The following MTCL2 variants were observed in gnomAD, a reference collection of about 807,000 sequenced individuals.
MTCL2 encodes microtubule cross-linking factor 2.
the MTCL2 span, among the ~76,000 whole-genome samples, chr20:36,853,546 T>C: frequency 6.6e-6 from 1 of 152,178 alleles, no homozygotes; most frequent in East Asian, 1.9e-4. Flanking sequence ...TGATGATCCT[T>C]AGAGGCAGGC....
the MTCL2 span, chr20:36,808,480 C>A: frequency 1.3e-6 from 2 of 1,548,948 alleles, no homozygotes; most frequent in Non-Finnish European, 1.8e-6. Flanking sequence ...CCCCAGCCCA[C>A]ACTCCCAGTC....
At chr20:36,841,423 G>A in the MTCL2 span, among the ~76,000 whole-genome samples, 1 of 151,846 alleles carries the variant, frequency 6.6e-6, no homozygotes, top group African/African-American at 2.4e-5. Context: ...GGTGAGGGGG[G>A]GTGCTATGTT....
At chr20:36,806,623 G>A in the MTCL2 span, among the ~76,000 whole-genome samples, 5 of 152,146 alleles carry the variant, frequency 3.3e-5, no homozygotes, top group South Asian at 1.0e-3. Flanking sequence ...AGGTTCAAGA[G>A]ATTCTCTTGC....
chr20:36,812,766 G>A, the MTCL2 span: 1 of 1,613,880 alleles, frequency 6.2e-7, no homozygotes, highest in Non-Finnish European at 8.5e-7. Flanking sequence ...CTGGGGTCGG[G>A]CTTAGAGTCC....
chr20:36,812,077 C>T, the MTCL2 span, among the ~76,000 whole-genome samples: 131 of 152,248 alleles, frequency 8.6e-4, no homozygotes, highest in Non-Finnish European at 1.4e-3. Context: ...AAGCTGTGGC[C>T]AGAAGGTAGA....
the MTCL2 span, among the ~76,000 whole-genome samples, chr20:36,825,384 G>A: frequency 6.6e-6 from 1 of 152,224 alleles, no homozygotes; most frequent in East Asian, 1.9e-4. Flanking sequence ...TAAACAATGT[G>A]CTGGTGTGGT....
At chr20:36,824,473 A>G in the MTCL2 span, among the ~76,000 whole-genome samples, 1 of 151,832 alleles carries the variant, frequency 6.6e-6, no homozygotes, top group African/African-American at 2.4e-5. Context: ...AGAGACAGAA[A>G]GCGGATGAGT....
At chr20:36,841,500 C>T in the MTCL2 span, among the ~76,000 whole-genome samples, 4 of 151,740 alleles carry the variant, frequency 2.6e-5, no homozygotes, top group African/African-American at 9.7e-5. Context: ...AAGGAACAGC[C>T]GAGAAAGCTA....
At chr20:36,799,296 GC>G in the MTCL2 span, among the ~76,000 whole-genome samples, 4 of 152,042 alleles carry the variant, frequency 2.6e-5, no homozygotes, top group East Asian at 7.7e-4. Flanking sequence ...TTCGAGACCA[GC>G]CTGACCAACA....
chr20:36,842,377 T>A, the MTCL2 span, among the ~76,000 whole-genome samples: 1 of 151,924 alleles, frequency 6.6e-6, no homozygotes, highest in Admixed American at 6.5e-5. Context: ...AAGAAATGCA[T>A]AATTATTATG....
At chr20:36,850,510 A>G in the MTCL2 span, among the ~76,000 whole-genome samples, 1 of 151,706 alleles carries the variant, frequency 6.6e-6, no homozygotes, top group Admixed American at 6.6e-5. Flanking sequence ...GGGATGACAG[A>G]ATGAGACTGT....
At chr20:36,813,419 T>C in the MTCL2 span, among the ~76,000 whole-genome samples, 4 of 149,382 alleles carry the variant, frequency 2.7e-5, no homozygotes, top group Admixed American at 2.7e-4. Context: ...ACATATCCAC[T>C]GTATAGTTGT....
At chr20:36,780,048 G>A in the MTCL2 span, 2 of 152,204 alleles carry the variant, frequency 1.3e-5, no homozygotes, top group African/African-American at 4.8e-5. Context: ...TCAAAGCAGT[G>A]TCTCATTCAC....
the MTCL2 span, among the ~76,000 whole-genome samples, chr20:36,846,425 G>A: frequency 9.2e-5 from 14 of 152,296 alleles, no homozygotes; most frequent in African/African-American, 3.4e-4. Context: ...GACTAGAAAC[G>A]GGGAATAGGA....
chr20:36,859,927 G>C, the MTCL2 span: 1 of 1,230,720 alleles, frequency 8.1e-7, no homozygotes, highest in Non-Finnish European at 1.0e-6. Flanking sequence ...ACCCTGCTCT[G>C]GGACCCACTC....
chr20:36,850,880 T>C, the MTCL2 span, among the ~76,000 whole-genome samples: 1 of 152,138 alleles, frequency 6.6e-6, no homozygotes, highest in Non-Finnish European at 1.5e-5. Flanking sequence ...TACTCAGCGA[T>C]GAAAAGGAAA....
At chr20:36,793,564 C>T in the MTCL2 span, 8 of 1,551,580 alleles carry the variant, frequency 5.2e-6, no homozygotes, top group Non-Finnish European at 7.0e-6. The surrounding 1 kb of genome is among the most constrained non-coding windows in gnomAD (Gnocchi z 6.8). Flanking sequence ...TCCAGACAGA[C>T]TCCGTGCTCC....
At chr20:36,831,147 C>A in the MTCL2 span, among the ~76,000 whole-genome samples, 128 of 152,306 alleles carry the variant, frequency 8.4e-4, 1 homozygote, top group South Asian at 6.2e-4. Flanking sequence ...GGAAGGAAGG[C>A]CCTTCTGGGC....
chr20:36,851,415 G>A, the MTCL2 span, among the ~76,000 whole-genome samples: 11 of 152,226 alleles, frequency 7.2e-5, no homozygotes, highest in South Asian at 8.3e-4. Flanking sequence ...CCTAAGCCCC[G>A]TCCACTTCTC....
Sources: gnomAD v4.1 joint callset for allele counts (sites outside exome capture counted in the v4.1 genomes callset) on GRCh38, gnomAD v4.1.1 for gene constraint, Gnocchi (gnomAD v3.1) non-coding constraint, MANE v1.5 for transcripts, NCBI Gene and HGNC (gene_info 2026-07-23, HGNC 2026-07-21) for gene names.